MICAL3: variants seen among roughly 807,000 people sequenced by gnomAD.
MICAL3 encodes the protein [F-actin]-monooxygenase MICAL3.
MICAL3 carries 62 observed loss-of-function variants against 207.4 expected under a neutral mutation model. The ratio of observed to expected loss-of-function variants is 0.30; its 90% CI spans 0.24 to 0.37. The LOEUF (loss-of-function observed/expected upper bound fraction) is 0.37, where lower values mean the gene tolerates loss of function less well. MICAL3 is among the 10% of genes least tolerant of loss of function. The pLI is 1.00. For missense variants in MICAL3, 2,368 were observed against 2,635.6 expected, an observed-to-expected ratio of 0.90 and a Z score of 2.22; for synonymous variants, 1,077 against 1,069.3, an observed-to-expected ratio of 1.01 and a Z score of -0.14.
Position 17,866,112 on chromosome 22 carries a change from C to T in MICAL3, c.2429-100G>A, listed in dbSNP as rs1927080845. Reference sequence around the variant, plus strand: ...CACTCCTTTCCATCTCCTCCAGCCTCACAAGGCCATCAAGCCACCCAGCCT... The same window carrying T: ...CACTCCTTTCCATCTCCTCCAGCCTTACAAGGCCATCAAGCCACCCAGCCT... On this transcript the variant is annotated intron_variant, in intron 17 of 31. Coordinates refer to ENST00000441493, the MANE Select transcript of MICAL3 (RefSeq NM_015241.3). The T allele has an allele frequency of 3.0e-5, 27 of 896,070 alleles. No homozygotes were observed. The South Asian group carries it at 3.7e-4, about 12-fold the overall frequency. 55.5% of individuals were successfully genotyped at this position (896,070 alleles called of 1,614,324 possible).
At chr22:17,801,116 G>A (rs2061932851) in intron 29 of MICAL3, among the ~76,000 whole-genome samples, 4 of 151,198 alleles carry the variant, frequency 2.6e-5, no homozygotes, top group Admixed American at 2.6e-4. Context: ...GGGGCACTGT[G>A]TGATTCACAA....
intron 20 of MICAL3, among the ~76,000 whole-genome samples, chr22:17,835,806 C>T (rs1395693733): frequency 1.3e-5 from 2 of 152,224 alleles, no homozygotes; most frequent in Middle Eastern, 3.2e-3. Context: ...TGATTGGGGT[C>T]TGCCTCCCCC....
rs74789330 is a variant in MICAL3, at chr22:17,921,126, C to T, written c.-74-14240G>A. 4.6e-3 allele frequency among the ~76,000 whole-genome samples: 700 copies of T among 152,232 alleles called. 4 individuals carry two copies. The highest frequency in any genetic ancestry group is 7.1e-3 in the Non-Finnish European group (486 of 68,016). On this transcript the variant is annotated intron_variant, in intron 1 of 31. Transcript: ENST00000441493. The stretch of plus-strand genomic sequence containing the variant: ...AGTTGACAGCTTATCTTCACAGGTA[C>T]GGGGACATAAGACAGAACTCAAAGT...
At chr22:17,876,725 G>C (rs971844663) in intron 16 of MICAL3, 10 of 151,772 alleles carry the variant, frequency 6.6e-5, no homozygotes, top group African/African-American at 2.4e-4. Context: ...AGGTTATGGA[G>C]GTTAGGGAGC....
chr22:17,816,869 A>G, intron 26 of MICAL3, 85 bp from the exon 27 acceptor site: 1 of 1,005,324 alleles, frequency 9.9e-7, no homozygotes, highest in Admixed American at 2.1e-5. Context: ...TGTGCAGCCA[A>G]GGAGGCCGGG....
chr22:17,795,769 G>A (rs556616404), intron 29 of MICAL3, among the ~76,000 whole-genome samples: 5 of 152,326 alleles, frequency 3.3e-5, no homozygotes, highest in East Asian at 1.9e-4. Context: ...CTTCCACAAC[G>A]GGCGAGGCTA....
At position 17,822,767 on chromosome 22, in the gene MICAL3, C is replaced by T. The variant is rs184745150; in HGVS notation, c.3307+180G>A. Reference sequence around the variant, plus strand: ...GCAGCTGGATGACTGCAGGCCAAGTCGCCTGGTGCTCGTGGGTAGGTGGTG... The same window carrying T: ...GCAGCTGGATGACTGCAGGCCAAGTTGCCTGGTGCTCGTGGGTAGGTGGTG... On this transcript the variant is annotated intron_variant, in intron 23 of 31. Coordinates refer to ENST00000441493, the MANE Select transcript of MICAL3 (RefSeq NM_015241.3). Among the ~76,000 whole-genome samples the T allele has an allele frequency of 9.2e-5, 14 of 152,290 alleles. No homozygotes were observed. In the East Asian group the frequency reaches 1.4e-3, roughly 15 times the overall value.
At chr22:18,007,850 G>T (rs985204391) in intron 1 of MICAL3, among the ~76,000 whole-genome samples, 18 of 149,908 alleles carry the variant, frequency 1.2e-4, no homozygotes, top group Admixed American at 6.7e-4. Flanking sequence ...GTGAACCCGG[G>T]GGGTGGAGCT....
At chr22:17,998,182 T>C (rs914723060) in intron 1 of MICAL3, among the ~76,000 whole-genome samples, 1 of 152,164 alleles carries the variant, frequency 6.6e-6, no homozygotes, top group African/African-American at 2.4e-5. Flanking sequence ...CAGGTGCCTG[T>C]AGTCCCAGCT....
chr22:18,012,691 A>G (rs1834455495), intron 1 of MICAL3, among the ~76,000 whole-genome samples: 1 of 152,214 alleles, frequency 6.6e-6, no homozygotes, highest in Non-Finnish European at 1.5e-5. Flanking sequence ...GTATCACAAC[A>G]TGACACGCCT....
chr22:17,826,571 C>T lies in MICAL3; in HGVS notation c.3193+1073G>A, dbSNP rs140738708. ...GTTACACAGCAATATGCGTTCCCAA[C>T]GAGGAGAGCCAAGGTCATCCTTAAA... On this transcript the variant is annotated intron_variant, in intron 22 of 31. Transcript: ENST00000441493. 2.0e-5 allele frequency: 18 copies of T among 895,438 alleles called. No homozygotes were observed. In the African/African-American group the frequency reaches 2.4e-4, roughly 12 times the overall value. 55.5% of individuals were successfully genotyped at this position (895,438 alleles called of 1,614,324 possible).
At chr22:17,901,412 C>T (rs1367919485) in intron 5 of MICAL3, among the ~76,000 whole-genome samples, 1 of 152,142 alleles carries the variant, frequency 6.6e-6, no homozygotes, top group African/African-American at 2.4e-5. Context: ...GTGGTTCACG[C>T]CTGTAATCCC....
chr22:17,888,254 G>A (rs905634772), intron 13 of MICAL3, among the ~76,000 whole-genome samples: 6 of 152,158 alleles, frequency 3.9e-5, no homozygotes, highest in African/African-American at 1.4e-4. Context: ...AAGGCCAAGT[G>A]GAAGCCTGGG....
intron 20 of MICAL3, among the ~76,000 whole-genome samples, chr22:17,839,420 C>A (rs186070802): frequency 6.6e-6 from 1 of 151,702 alleles, no homozygotes; most frequent in African/African-American, 2.4e-5. Context: ...CCACACCTGG[C>A]AAGTTTTTGT....
chr22:17,793,372 T>C lies in MICAL3; in HGVS notation c.5651-2071A>G, dbSNP rs1216316957. ...TTGTAAGGACAGTATTCCTTGACTCTCCCATCCAAATCGCTGCACGCAGGC... is the reference window on the plus strand; with the variant it reads ...TTGTAAGGACAGTATTCCTTGACTCCCCCATCCAAATCGCTGCACGCAGGC... On this transcript the variant is annotated intron_variant, in intron 29 of 31. Coordinates refer to ENST00000441493, the MANE Select transcript of MICAL3 (RefSeq NM_015241.3). This position sits in a 1 kb window ranked among gnomAD's most constrained non-coding sequence, Gnocchi z 4.1. 6.6e-6 allele frequency among the ~76,000 whole-genome samples: 1 copy of C among 152,172 alleles called. No individual in the cohort carries two copies. The highest frequency in any genetic ancestry group is 1.9e-4 in the East Asian group (1 of 5,190).
intron 19 of MICAL3, among the ~76,000 whole-genome samples, chr22:17,851,650 A>G (rs986126695): frequency 3.3e-5 from 5 of 152,248 alleles, no homozygotes; most frequent in Non-Finnish European, 7.3e-5. Context: ...CCTGTCAGGT[A>G]GCTTGGTGCT....
At chr22:17,872,827 C>T (rs745925681) in intron 16 of MICAL3, 3 of 1,612,264 alleles carry the variant, frequency 1.9e-6, no homozygotes, top group Non-Finnish European at 2.5e-6. Flanking sequence ...AATGAGCTCA[C>T]TCCGCCCGTG....
chr22:17,905,568 G>A (rs900505072), intron 2 of MICAL3, among the ~76,000 whole-genome samples: 4 of 152,170 alleles, frequency 2.6e-5, no homozygotes, highest in African/African-American at 9.7e-5. Context: ...TACAGTTCTT[G>A]AATTTTGCTG....
intron 1 of MICAL3, among the ~76,000 whole-genome samples, chr22:17,987,145 G>A (rs1004456974): frequency 6.6e-6 from 1 of 152,170 alleles, no homozygotes; most frequent in Non-Finnish European, 1.5e-5. Context: ...GGAGACTGAA[G>A]AAGGAGGATT....
Sources: allele counts gnomAD v4.1 joint callset (sites outside exome capture counted in the v4.1 genomes callset), GRCh38; gene constraint gnomAD v4.1.1; non-coding constraint Gnocchi (gnomAD v3.1); transcripts MANE v1.5; gene names NCBI Gene and HGNC (gene_info 2026-07-23, HGNC 2026-07-21).